RGSL1: variants seen among roughly 807,000 people sequenced by gnomAD.
The protein encoded by RGSL1 is regulator of G protein signaling like 1.
A neutral mutation model predicts 124.7 loss-of-function variants in RGSL1; 97 were observed. The ratio of observed to expected loss-of-function variants is 0.78; its 90% CI spans 0.66 to 0.92. The LOEUF (loss-of-function observed/expected upper bound fraction) is 0.92, where lower values mean the gene tolerates loss of function less well. Ranked by LOEUF, RGSL1 falls within the 40% of genes least tolerant of loss-of-function variation. The probability of loss-of-function intolerance (pLI) is 0.00; values close to 1 mark genes in which losing one functional copy is unlikely to be tolerated. For synonymous variants in RGSL1, 424 were observed against 438.1 expected (o/e 0.97, Z 0.40); for missense variants, 1,233 against 1,288.4 (o/e 0.96, Z 0.66).
Position 182,556,007 on chromosome 1 carries a change from G to A in RGSL1, c.3198-17G>A. 6.5e-7 allele frequency: 1 copy of A among 1,549,558 alleles called. No individual in the cohort carries two copies. Among genetic ancestry groups the A allele is most frequent in the Non-Finnish European group, 8.7e-7 (1 of 1,145,080 alleles). On this transcript the variant is annotated splice_polypyrimidine_tract_variant and intron_variant, in intron 20 of 21. Transcript: ENST00000294854. ...TGCATCATAATTGTGATAACTGGCT[G>A]TTTTCTCTCCCTTCAGACAAAAATT...
chr1:182,526,513 AC>A (rs1658754599), intron 10 of RGSL1, among the ~76,000 whole-genome samples: 2 of 150,770 alleles, frequency 1.3e-5, no homozygotes, highest in Non-Finnish European at 3.0e-5. Context: ...AAAAAAAAAA[AC>A]ACAAACATTA....
In RGSL1 at chr1:182,482,009, C is replaced by T. The variant is rs536710402; in HGVS notation, c.1432-6276C>T. ...GAAAAAAATACTAGCAAACCAAATA[C>T]AACAGCCTATTAAAAGAATTATACA... On this transcript the variant is annotated intron_variant, in intron 6 of 21. Transcript: ENST00000294854. Among the ~76,000 whole-genome samples the T allele has an allele frequency of 7.2e-5, 11 of 152,026 alleles. 1 individual carries two copies. The highest frequency in any genetic ancestry group is 3.9e-4 in the Admixed American group (6 of 15,264).
intron 19 of RGSL1, 115 bp from the exon 20 acceptor site, chr1:182,554,512 A>G (rs1472150254): frequency 3.7e-6 from 3 of 809,862 alleles, no homozygotes; most frequent in Non-Finnish European, 6.2e-6. Context: ...TCCAACCCCT[A>G]CATTGGAGGT....
At chr1:182,452,834 T>TG (rs1651960720) in intron 1 of RGSL1, among the ~76,000 whole-genome samples, 1 of 152,226 alleles carries the variant, frequency 6.6e-6, no homozygotes, top group South Asian at 2.1e-4. Flanking sequence ...AGTTTTCTTA[T>TG]ATCATAACTA....
chr1:182,523,055 G>A (rs1371871053), intron 10 of RGSL1, among the ~76,000 whole-genome samples: 1 of 148,710 alleles, frequency 6.7e-6, no homozygotes, highest in Non-Finnish European at 1.5e-5. Context: ...TTTTTCTTGA[G>A]ACAGAGTCTC....
intron 6 of RGSL1, among the ~76,000 whole-genome samples, chr1:182,487,291 C>T (rs1169738438): frequency 3.3e-5 from 5 of 152,140 alleles, no homozygotes; most frequent in Admixed American, 3.3e-4. Context: ...CAATTCATTG[C>T]CTACAAAATA....
intron 6 of RGSL1, among the ~76,000 whole-genome samples, chr1:182,475,943 T>C (rs1654257198): frequency 6.6e-6 from 1 of 152,162 alleles, no homozygotes. Flanking sequence ...ACAGAGAGAA[T>C]AGTCTTGTTG....
intron 2 of RGSL1, among the ~76,000 whole-genome samples, chr1:182,455,450 C>T (rs1265681521): frequency 3.9e-5 from 6 of 151,908 alleles, no homozygotes; most frequent in Admixed American, 6.6e-5. Context: ...GGCGTGGTGG[C>T]GGGAGCCTGT....
rs1180917374 is a variant in RGSL1, at chr1:182,474,078, A to G, written c.967A>G (p.Lys323Glu). The change falls in exon 6 of 22, where the codon AAA becomes GAA. Residue 323 changes from lysine (K) to glutamate (E), a missense_variant. Transcript: ENST00000294854. ...HYAKISSMEN[K>E]AKSHLHMEAP... ...TGCAAAAATATCCAGCATGGAGAAT[A>G]AAGCCAAGAGCCACCTCCACATGGA... is the stretch of plus-strand genomic sequence containing the variant. The G allele has an allele frequency of 6.4e-7, 1 of 1,551,802 alleles. No homozygotes were observed. Among genetic ancestry groups the G allele is most frequent in the Middle Eastern group, 1.7e-4 (1 of 5,992 alleles).
Position 182,530,323 on chromosome 1 carries a change from G to T in RGSL1, c.2205G>T (p.Thr735=). ...ATGTCACCACAAGCACACTGTTAAC[G>T]CTCCAGGGACATGTTATGAAATCTA... ...MRHVTTSTLL[T]LQGHVMKSIE... The change falls in exon 12 of 22, where the codon ACG becomes ACT. Residue 735 remains threonine, a synonymous_variant. Transcript: ENST00000294854. 6.4e-7 allele frequency: 1 copy of T among 1,550,854 alleles called. No individual in the cohort carries two copies. The highest frequency in any genetic ancestry group is 8.7e-7 in the Non-Finnish European group (1 of 1,146,456).
chr1:182,461,332 TAAC>T (rs1434415780), intron 4 of RGSL1, among the ~76,000 whole-genome samples: 6 of 151,352 alleles, frequency 4.0e-5, no homozygotes, highest in Admixed American at 2.0e-4. Context: ...ATAATAATAA[TAAC>T]AACTAACAAA....
At position 182,530,810 on chromosome 1, in the gene RGSL1, T is replaced by G; in HGVS notation, c.2264T>G (p.Leu755Arg). 6.5e-7 allele frequency: 1 copy of G among 1,546,916 alleles called. No homozygotes were observed. Among genetic ancestry groups the G allele is most frequent in the Non-Finnish European group, 8.7e-7 (1 of 1,145,286 alleles). Residue 755 changes from leucine to arginine, a missense_variant, in exon 13 of 22, where the codon CTG (leucine) becomes CGG (arginine). Coordinates refer to ENST00000294854, the MANE Select transcript of RGSL1 (RefSeq NM_001137669.2). ...EEKWFKDYQD[L>R]FPPHHQEVEV... is the part of the protein sequence containing the mutation. ...GACAGGTTTAAAGATTATCAAGACC[T>G]GTTCCCACCTCACCATCAGGAGGTG...
chr1:182,495,401 G>C (rs1190393636), intron 9 of RGSL1, among the ~76,000 whole-genome samples: 1 of 152,136 alleles, frequency 6.6e-6, no homozygotes, highest in Non-Finnish European at 1.5e-5. Flanking sequence ...GCAATACAAA[G>C]ATCTCCACAT....
At chr1:182,557,209 G>A (rs1430580666) in intron 21 of RGSL1, among the ~76,000 whole-genome samples, 1 of 152,174 alleles carries the variant, frequency 6.6e-6, no homozygotes, top group African/African-American at 2.4e-5. Flanking sequence ...AGACAGGAAG[G>A]CCTAGACAAA....
At chr1:182,493,993 C>T (rs1209020123) in intron 9 of RGSL1, among the ~76,000 whole-genome samples, 2 of 152,168 alleles carry the variant, frequency 1.3e-5, no homozygotes, top group African/African-American at 4.8e-5. Flanking sequence ...AAGACCATTG[C>T]TAATATTCCT....
intron 14 of RGSL1, among the ~76,000 whole-genome samples, chr1:182,536,419 T>C (rs937540390): frequency 3.9e-5 from 6 of 152,366 alleles, no homozygotes; most frequent in African/African-American, 1.2e-4. Flanking sequence ...TCACCACTGA[T>C]GTATGAAAGT....
At chr1:182,478,447 G>C (rs1450154004) in intron 6 of RGSL1, among the ~76,000 whole-genome samples, 1 of 152,192 alleles carries the variant, frequency 6.6e-6, no homozygotes, top group Non-Finnish European at 1.5e-5. Context: ...CAGCAGGCTT[G>C]ATTAGGCTTC....
intron 6 of RGSL1, among the ~76,000 whole-genome samples, chr1:182,482,477 T>C (rs1654782523): frequency 6.6e-6 from 1 of 152,210 alleles, no homozygotes; most frequent in African/African-American, 2.4e-5. Context: ...CTATCATGCC[T>C]CTGTTTGCAG....
intron 21 of RGSL1, among the ~76,000 whole-genome samples, chr1:182,559,431 G>C (rs547255663): frequency 6.6e-6 from 1 of 152,078 alleles, no homozygotes; most frequent in East Asian, 1.9e-4. Flanking sequence ...CCTTGGACAT[G>C]TCGCTGCTAT....
Sources: allele counts gnomAD v4.1 joint callset (sites outside exome capture counted in the v4.1 genomes callset), GRCh38; gene constraint gnomAD v4.1.1; transcripts MANE v1.5; gene names NCBI Gene and HGNC (gene_info 2026-07-23, HGNC 2026-07-21).